The following EYS variants were observed in gnomAD, a reference collection of about 807,000 sequenced individuals.
The protein encoded by EYS is EGF-like photoreceptor maintenance factor.
A neutral mutation model predicts 282.1 loss-of-function variants in EYS; 250 were observed. The observed-to-expected ratio is 0.89, with a 90% CI of 0.80 to 0.98. The LOEUF is 0.98. Among genes scored for constraint, EYS ranks in the 50% least tolerant of loss-of-function variants. EYS has a pLI of 0.00. For synonymous variants in EYS, 1,355 were observed against 1,282.9 expected (o/e 1.06, Z -1.20); for missense variants, 4,016 against 3,709.0 (o/e 1.08, Z -2.15).
At chr6:65,527,621 A>G (rs1304552920) in intron 2 of EYS, among the ~76,000 whole-genome samples, 1 of 152,258 alleles carries the variant, frequency 6.6e-6, no homozygotes. Context: ...CTTCTCATCC[A>G]AAATGATCTA....
At chr6:64,787,013 T>C (rs1475048226) in intron 22 of EYS, among the ~76,000 whole-genome samples, 2 of 152,192 alleles carry the variant, frequency 1.3e-5, no homozygotes, top group Admixed American at 1.3e-4. Context: ...CAGTAGAGTT[T>C]GGCAATAGCA....
chr6:64,443,012 G>A (rs574818357), intron 26 of EYS, among the ~76,000 whole-genome samples: 6 of 152,188 alleles, frequency 3.9e-5, no homozygotes, highest in Non-Finnish European at 7.4e-5. Flanking sequence ...ATCCACTGAC[G>A]GCTTGCACTG....
At chr6:64,448,538 G>C (rs1775201277) in intron 26 of EYS, among the ~76,000 whole-genome samples, 1 of 152,206 alleles carries the variant, frequency 6.6e-6, no homozygotes, top group Non-Finnish European at 1.5e-5. Context: ...CTTGAGATCT[G>C]AGAACCAGCA....
At chr6:65,220,185 T>G (rs1267657527) in intron 12 of EYS, among the ~76,000 whole-genome samples, 6 of 152,146 alleles carry the variant, frequency 3.9e-5, no homozygotes, top group Non-Finnish European at 8.8e-5. Flanking sequence ...AAAAGACTAC[T>G]TGCGATTTTT....
chr6:63,918,695 C>T (rs556492797), intron 35 of EYS, among the ~76,000 whole-genome samples: 1 of 152,276 alleles, frequency 6.6e-6, no homozygotes, highest in East Asian at 1.9e-4. Flanking sequence ...CAGCACTCAC[C>T]TCACTTATTA....
intron 12 of EYS, among the ~76,000 whole-genome samples, chr6:65,129,586 G>T (rs879097898): frequency 6.6e-6 from 1 of 151,942 alleles, no homozygotes; most frequent in African/African-American, 2.4e-5. Flanking sequence ...AATCATCAGA[G>T]AAACGAATAT....
At chr6:64,913,054 C>G (rs1290939307) in intron 15 of EYS, among the ~76,000 whole-genome samples, 1 of 151,894 alleles carries the variant, frequency 6.6e-6, no homozygotes, top group East Asian at 1.9e-4. Flanking sequence ...CAAAATTTTC[C>G]TATGAATTAT....
At chr6:65,274,933 A>AGAGAGG (rs1554176233) in intron 12 of EYS, among the ~76,000 whole-genome samples, 2 of 151,810 alleles carry the variant, frequency 1.3e-5, no homozygotes, top group Non-Finnish European at 2.9e-5. Context: ...AGAGAGAGAG[A>AGAGAGG]GACAATACCT....
At chr6:64,183,557 G>A (rs2150312753) in intron 31 of EYS, among the ~76,000 whole-genome samples, 1 of 152,284 alleles carries the variant, frequency 6.6e-6, no homozygotes, top group East Asian at 1.9e-4. Context: ...CAATTCAGCT[G>A]AAGAAACAAA....
At chr6:65,276,274 A>G (rs1562066400) in intron 12 of EYS, among the ~76,000 whole-genome samples, 1 of 152,146 alleles carries the variant, frequency 6.6e-6, no homozygotes, top group Non-Finnish European at 1.5e-5. Flanking sequence ...ATGGTCCAGG[A>G]TAGGAAGAGT....
chr6:65,001,464 G>T (rs1324157352), intron 13 of EYS, among the ~76,000 whole-genome samples: 1 of 147,636 alleles, frequency 6.8e-6, no homozygotes, highest in Admixed American at 6.8e-5. Context: ...GAGTCCGTTG[G>T]TCTGCCTGTC....
chr6:63,897,532 C>A (rs1275190749), intron 35 of EYS, among the ~76,000 whole-genome samples: 1 of 152,148 alleles, frequency 6.6e-6, no homozygotes, highest in Non-Finnish European at 1.5e-5. Flanking sequence ...ACTGAAGAGG[C>A]AAGATATGGA....
At chr6:65,513,102 G>C (rs972598371) in intron 2 of EYS, among the ~76,000 whole-genome samples, 2 of 152,118 alleles carry the variant, frequency 1.3e-5, no homozygotes, top group African/African-American at 4.8e-5. Context: ...AAAGGATAAA[G>C]GGGATATCAC....
chr6:65,460,484 C>T (rs1764791650), intron 5 of EYS, among the ~76,000 whole-genome samples: 1 of 152,004 alleles, frequency 6.6e-6, no homozygotes, highest in South Asian at 2.1e-4. Context: ...AACTCTTTAG[C>T]TCATCTCATC....
At chr6:64,192,704 G>A (rs4521570) in intron 31 of EYS, among the ~76,000 whole-genome samples, 4 of 151,930 alleles carry the variant, frequency 2.6e-5, no homozygotes, top group Middle Eastern at 3.4e-3. Context: ...AGACTTAAAC[G>A]TTAGACCTAA....
At chr6:65,245,854 G>T (rs1767165766) in intron 12 of EYS, among the ~76,000 whole-genome samples, 1 of 151,958 alleles carries the variant, frequency 6.6e-6, no homozygotes, top group Non-Finnish European at 1.5e-5. Context: ...GCCATGGGGG[G>T]AAGATCTCTC....
chr6:64,042,415 C>A (rs1770430765), intron 33 of EYS, among the ~76,000 whole-genome samples: 1 of 152,158 alleles, frequency 6.6e-6, no homozygotes, highest in African/African-American at 2.4e-5. Flanking sequence ...CTGCTCTATT[C>A]CAAAAGCATT....
At chr6:64,062,696 A>C (rs1426013779) in intron 33 of EYS, among the ~76,000 whole-genome samples, 2 of 151,242 alleles carry the variant, frequency 1.3e-5, no homozygotes, top group Non-Finnish European at 3.0e-5. Flanking sequence ...CAACTCAAAA[A>C]AAAAAAAAAA....
intron 22 of EYS, among the ~76,000 whole-genome samples, chr6:64,670,440 A>C (rs1053923612): frequency 1.5e-5 from 2 of 135,034 alleles, no homozygotes; most frequent in African/African-American, 5.8e-5. Context: ...TAAATAAATA[A>C]ATAAATGAAA....
Sources: gnomAD v4.1 joint callset for allele counts (sites outside exome capture counted in the v4.1 genomes callset) on GRCh38, gnomAD v4.1.1 for gene constraint, MANE v1.5 for transcripts, NCBI Gene and HGNC (gene_info 2026-07-23, HGNC 2026-07-21) for gene names.